Variants in CNTNAP2 observed in about 807,000 individuals in gnomAD.
The protein encoded by CNTNAP2 is contactin-associated protein-like 2.
Under a neutral mutation model 155.2 loss-of-function variants are expected in CNTNAP2, and 98 were observed. The observed-to-expected ratio is 0.63, with a 90% CI of 0.54 to 0.75. CNTNAP2 has a LOEUF of 0.75. Ranked by LOEUF, CNTNAP2 falls within the 30% of genes least tolerant of loss-of-function variation. The pLI is 0.00. For synonymous variants in CNTNAP2, 651 were observed against 631.2 expected (o/e 1.03, Z -0.47); for missense variants, 1,727 against 1,688.1 (o/e 1.02, Z -0.40).
Position 147,555,996 on chromosome 7 carries a change from T to C in CNTNAP2, c.1778-6142T>C, listed in dbSNP as rs7802912. Among the ~76,000 whole-genome samples, 591 of 152,354 alleles carry C rather than the reference T, an allele frequency of 3.9e-3. 7 individuals are homozygous for C. The highest frequency in any genetic ancestry group is 0.013 in the African/African-American group (552 of 41,594). ...TTTTGCTTTTCTCTTTCTGCCAGCA[T>C]TTTGGCAATCCTGTATAGGCCTGCG... On this transcript the variant is annotated intron_variant, in intron 11 of 23. Coordinates refer to ENST00000361727, the MANE Select transcript of CNTNAP2 (RefSeq NM_014141.6).
intron 14 of CNTNAP2, among the ~76,000 whole-genome samples, chr7:147,972,429 T>C (rs1033740627): frequency 1.3e-5 from 2 of 152,234 alleles, no homozygotes; most frequent in African/African-American, 4.8e-5. Flanking sequence ...GGGCTTCATT[T>C]TTCTACTTTT....
At chr7:147,588,165 T>C (rs1030000380) in intron 12 of CNTNAP2, among the ~76,000 whole-genome samples, 2 of 136,504 alleles carry the variant, frequency 1.5e-5, no homozygotes, top group African/African-American at 6.2e-5. Flanking sequence ...TCTGAGACTT[T>C]ATGTAAAAGA....
chr7:147,713,499 G>A (rs553180177), intron 13 of CNTNAP2, among the ~76,000 whole-genome samples: 4 of 152,184 alleles, frequency 2.6e-5, no homozygotes, highest in Admixed American at 6.5e-5. Flanking sequence ...TGTATTTTGG[G>A]TAATAATTCA....
intron 4 of CNTNAP2, among the ~76,000 whole-genome samples, chr7:147,084,739 A>G (rs1201486981): frequency 1.4e-5 from 2 of 147,892 alleles, no homozygotes; most frequent in Non-Finnish European, 3.0e-5. Flanking sequence ...ATAATTATAT[A>G]TAATGTATAT....
At chr7:147,853,954 T>C (rs1429528511) in intron 13 of CNTNAP2, among the ~76,000 whole-genome samples, 1 of 152,206 alleles carries the variant, frequency 6.6e-6, no homozygotes, top group Non-Finnish European at 1.5e-5. Context: ...AACTATCTTG[T>C]AGAAAAATTA....
At chr7:147,517,660 A>G (rs927481888) in intron 11 of CNTNAP2, among the ~76,000 whole-genome samples, 5 of 152,216 alleles carry the variant, frequency 3.3e-5, no homozygotes, top group African/African-American at 7.2e-5. Context: ...TGTAAATAAG[A>G]CTACAGCACA....
At chr7:146,423,124 C>G (rs1286680540) in intron 1 of CNTNAP2, among the ~76,000 whole-genome samples, 1 of 151,966 alleles carries the variant, frequency 6.6e-6, no homozygotes, top group Non-Finnish European at 1.5e-5. Flanking sequence ...TCCTTTCTTT[C>G]CAGTCTTTTT....
chr7:146,873,440 G>A (rs1450365392), intron 3 of CNTNAP2, among the ~76,000 whole-genome samples: 1 of 152,118 alleles, frequency 6.6e-6, no homozygotes, highest in Non-Finnish European at 1.5e-5. Flanking sequence ...CATTGTTGTT[G>A]TTATGGATTT....
At chr7:148,121,453 C>T (rs375641615) in intron 16 of CNTNAP2, among the ~76,000 whole-genome samples, 2 of 152,184 alleles carry the variant, frequency 1.3e-5, no homozygotes, top group South Asian at 4.1e-4. Context: ...ATTGTTTTCA[C>T]AACAGTGGCG....
At chr7:148,344,925 GCA>G (rs1233391336) in intron 21 of CNTNAP2, among the ~76,000 whole-genome samples, 2 of 152,194 alleles carry the variant, frequency 1.3e-5, no homozygotes, top group Admixed American at 1.3e-4. Flanking sequence ...ACCTAAGAGG[GCA>G]GCACAGTCCA....
chr7:147,573,062 TTA>T lies in CNTNAP2; in HGVS notation c.1897+10809_1897+10810del, dbSNP rs1800325416. ...AGTTAAATAGTAAATTGCACCAATA[TTA>T]TATGTTGCCCAAACTGGAAAATATT... On this transcript the variant is annotated intron_variant, in intron 12 of 23. Coordinates refer to ENST00000361727, the MANE Select transcript of CNTNAP2 (RefSeq NM_014141.6). 3.3e-5 allele frequency among the ~76,000 whole-genome samples: 5 copies of T among 152,200 alleles called. No homozygotes were observed. In the South Asian group the frequency reaches 1.0e-3, roughly 31 times the overall value.
At chr7:147,965,264 C>A (rs73168521) in intron 14 of CNTNAP2, among the ~76,000 whole-genome samples, 2 of 152,056 alleles carry the variant, frequency 1.3e-5, no homozygotes, top group Middle Eastern at 3.4e-3. Flanking sequence ...TACTGCCAAC[C>A]TTGGAAAGCA....
At position 146,275,282 on chromosome 7, in the gene CNTNAP2, A is replaced by G. The variant is rs777399266; in HGVS notation, c.97+158309A>G. Reference sequence around the variant, plus strand: ...TTTATTTGTAATCATTCAATTGTAGAACTTTTTAAAAATGTTAAAAAATAG... The same window carrying G: ...TTTATTTGTAATCATTCAATTGTAGGACTTTTTAAAAATGTTAAAAAATAG... On this transcript the variant is annotated intron_variant, in intron 1 of 23. Coordinates refer to ENST00000361727, the MANE Select transcript of CNTNAP2 (RefSeq NM_014141.6). Among the ~76,000 whole-genome samples the G allele has an allele frequency of 6.6e-5, 10 of 152,320 alleles. No individual in the cohort carries two copies. In the South Asian group the frequency reaches 1.9e-3, roughly 28 times the overall value.
At chr7:146,803,965 ATTCTT>A (rs1482311051) in intron 2 of CNTNAP2, among the ~76,000 whole-genome samples, 1 of 152,188 alleles carries the variant, frequency 6.6e-6, no homozygotes, top group Admixed American at 6.5e-5. Flanking sequence ...GGAAAGTTTA[ATTCTT>A]TGAGGCTAAA....
chr7:147,222,540 G>A (rs575654980), intron 8 of CNTNAP2, among the ~76,000 whole-genome samples: 55 of 151,954 alleles, frequency 3.6e-4, no homozygotes, highest in Middle Eastern at 3.4e-3. Flanking sequence ...TTTAAATTCC[G>A]TGTCTGATAA....
chr7:147,180,971 C>G (rs999088205), intron 8 of CNTNAP2, among the ~76,000 whole-genome samples: 24 of 151,952 alleles, frequency 1.6e-4, no homozygotes, highest in African/African-American at 5.3e-4. Flanking sequence ...ATAACAAACA[C>G]CTAGAACACA....
chr7:146,761,317 G>GGAAGGAAA (rs1186486963), intron 1 of CNTNAP2, among the ~76,000 whole-genome samples: 5 of 139,078 alleles, frequency 3.6e-5, no homozygotes, highest in African/African-American at 1.5e-4. Context: ...AAGGAAGGAA[G>GGAAGGAAA]GAAGGAAGGA....
At chr7:148,049,065 A>AG (rs1802833806) in intron 15 of CNTNAP2, among the ~76,000 whole-genome samples, 1 of 152,104 alleles carries the variant, frequency 6.6e-6, no homozygotes, top group Non-Finnish European at 1.5e-5. Context: ...TACAAAAAAA[A>AG]TTAGCCAGGT....
intron 2 of CNTNAP2, among the ~76,000 whole-genome samples, chr7:146,815,867 G>A (rs747152624): frequency 2.6e-5 from 4 of 152,004 alleles, no homozygotes; most frequent in Admixed American, 2.0e-4. Context: ...CCATCAACTC[G>A]TCATTTACAT....
Sources: allele counts gnomAD v4.1 joint callset (sites outside exome capture counted in the v4.1 genomes callset), GRCh38; gene constraint gnomAD v4.1.1; transcripts MANE v1.5; gene names NCBI Gene and HGNC (gene_info 2026-07-23, HGNC 2026-07-21).